CA10: variants seen among roughly 807,000 people sequenced by gnomAD.
The protein encoded by CA10 is carbonic anhydrase-related protein 10.
A neutral mutation model predicts 44.2 loss-of-function variants in CA10; 14 were observed. The observed-to-expected ratio is 0.32, with a 90% CI of 0.21 to 0.50. The LOEUF is 0.50. Ranked by LOEUF, CA10 falls within the 20% of genes least tolerant of loss-of-function variation. The pLI is 0.99. For missense variants in CA10, 350 were observed against 409.7 expected, an observed-to-expected ratio of 0.85 and a Z score of 1.26; for synonymous variants, 159 against 141.6, an observed-to-expected ratio of 1.12 and a Z score of -0.87.
chr17:51,833,738 T>C (rs941179849), intron 3 of CA10, among the ~76,000 whole-genome samples: 3 of 152,198 alleles, frequency 2.0e-5, no homozygotes, highest in Admixed American at 1.3e-4. Context: ...TATGTATATA[T>C]ATATTAGAAA....
At chr17:51,890,548 AGTTATGGT>A (rs1980810694) in intron 3 of CA10, among the ~76,000 whole-genome samples, 1 of 152,186 alleles carries the variant, frequency 6.6e-6, no homozygotes, top group African/African-American at 2.4e-5. Context: ...ATGATTTAAT[AGTTATGGT>A]GTACCTGTAG....
At chr17:52,130,244 G>A (rs576236548) in intron 1 of CA10, among the ~76,000 whole-genome samples, 1 of 152,262 alleles carries the variant, frequency 6.6e-6, no homozygotes, top group South Asian at 2.1e-4. Context: ...AAAAAGTATG[G>A]TGGTTCCTCA....
At chr17:51,895,856 C>T (rs139403239) in intron 3 of CA10, among the ~76,000 whole-genome samples, 93 of 151,196 alleles carry the variant, frequency 6.2e-4, no homozygotes, top group African/African-American at 2.1e-3. Flanking sequence ...ACTAGCAGAA[C>T]AAAAATGTAA....
intron 1 of CA10, among the ~76,000 whole-genome samples, chr17:52,073,689 C>T (rs1341851734): frequency 6.6e-6 from 1 of 152,156 alleles, no homozygotes; most frequent in Non-Finnish European, 1.5e-5. Flanking sequence ...ATTCTTATTG[C>T]CCCTGTGGTG....
intron 3 of CA10, among the ~76,000 whole-genome samples, chr17:51,758,417 T>C (rs1206110650): frequency 6.6e-6 from 1 of 152,180 alleles, no homozygotes; most frequent in African/African-American, 2.4e-5. Context: ...GTGAAAGATA[T>C]TGCTTGGTTC....
chr17:51,662,306 T>A (rs1197305128), intron 4 of CA10, among the ~76,000 whole-genome samples: 1 of 152,198 alleles, frequency 6.6e-6, no homozygotes, highest in Non-Finnish European at 1.5e-5. Context: ...CAGAGATGAA[T>A]GCTGTATATT....
chr17:51,715,878 C>CG (rs1310956074), intron 4 of CA10, among the ~76,000 whole-genome samples: 3 of 151,894 alleles, frequency 2.0e-5, no homozygotes, highest in Non-Finnish European at 4.4e-5. Flanking sequence ...TTAGTAGAGA[C>CG]GGGGTTTCAC....
chr17:51,841,542 A>C (rs757561633), intron 3 of CA10, among the ~76,000 whole-genome samples: 6 of 152,248 alleles, frequency 3.9e-5, no homozygotes, highest in Non-Finnish European at 7.3e-5. Context: ...TAAATAGGAT[A>C]AATAGCAGGA....
chr17:51,971,348 TAAG>T (rs1484699268), intron 2 of CA10, among the ~76,000 whole-genome samples: 3 of 152,086 alleles, frequency 2.0e-5, no homozygotes, highest in Admixed American at 1.3e-4. Flanking sequence ...ATTTCTTTCA[TAAG>T]AAGCACAAAA....
At chr17:52,125,635 C>T (rs190667223) in intron 1 of CA10, among the ~76,000 whole-genome samples, 1 of 152,230 alleles carries the variant, frequency 6.6e-6, no homozygotes, top group Non-Finnish European at 1.5e-5. Flanking sequence ...TGATACCTTC[C>T]TAGTTTGGGG....
At chr17:51,757,159 C>A (rs1047799880) in intron 3 of CA10, among the ~76,000 whole-genome samples, 7 of 152,232 alleles carry the variant, frequency 4.6e-5, no homozygotes, top group African/African-American at 1.7e-4. Context: ...TTTAAGAACA[C>A]CACTTAGTCT....
At chr17:51,925,837 A>T (rs923750718) in intron 3 of CA10, among the ~76,000 whole-genome samples, 1 of 152,166 alleles carries the variant, frequency 6.6e-6, no homozygotes, top group Non-Finnish European at 1.5e-5. Context: ...AGCCAGACAT[A>T]AAAAAGATAA....
chr17:51,756,045 A>T (rs1019100799), intron 3 of CA10, among the ~76,000 whole-genome samples: 1 of 151,120 alleles, frequency 6.6e-6, no homozygotes, highest in Non-Finnish European at 1.5e-5. Flanking sequence ...GAGATTTGGG[A>T]TACAGTCTTC....
At chr17:51,723,932 C>A in intron 4 of CA10, among the ~76,000 whole-genome samples, 1 of 152,144 alleles carries the variant, frequency 6.6e-6, no homozygotes, top group Non-Finnish European at 1.5e-5. Context: ...CTGGCATTGC[C>A]CTGGGCACCT....
intron 2 of CA10, among the ~76,000 whole-genome samples, chr17:51,957,734 C>T (rs1211412545): frequency 6.6e-6 from 1 of 152,124 alleles, no homozygotes; most frequent in Non-Finnish European, 1.5e-5. Context: ...CACACACCAG[C>T]TATATTCAAC....
At chr17:52,104,556 A>G (rs1988616362) in intron 1 of CA10, among the ~76,000 whole-genome samples, 1 of 152,024 alleles carries the variant, frequency 6.6e-6, no homozygotes, top group African/African-American at 2.4e-5. Flanking sequence ...AACAACAATA[A>G]CTACTGGGAG....
chr17:52,051,284 C>T (rs940139841), intron 2 of CA10, among the ~76,000 whole-genome samples: 1 of 151,804 alleles, frequency 6.6e-6, no homozygotes, highest in Non-Finnish European at 1.5e-5. Flanking sequence ...GTAGCAAAAA[C>T]CAAAATTGAC....
chr17:51,675,377 T>C (rs954543483), intron 4 of CA10, among the ~76,000 whole-genome samples: 2 of 152,086 alleles, frequency 1.3e-5, no homozygotes, highest in Non-Finnish European at 2.9e-5. Context: ...CTGGCCAATA[T>C]GGCAAAACCC....
intron 4 of CA10, among the ~76,000 whole-genome samples, chr17:51,701,218 C>T (rs772632408): frequency 6.6e-6 from 1 of 152,114 alleles, no homozygotes; most frequent in Non-Finnish European, 1.5e-5. Context: ...CTTGGTGTTC[C>T]TCGGCGGGCG....
Sources: gnomAD v4.1 joint callset for allele counts (sites outside exome capture counted in the v4.1 genomes callset) on GRCh38, gnomAD v4.1.1 for gene constraint, MANE v1.5 for transcripts, NCBI Gene and HGNC (gene_info 2026-07-23, HGNC 2026-07-21) for gene names.